ZHX2: variants seen among roughly 807,000 people sequenced by gnomAD.
ZHX2 encodes the protein zinc fingers and homeoboxes 2, also known as zinc fingers and homeoboxes protein 2.
ZHX2 carries 6 observed loss-of-function variants against 21.9 expected under a neutral mutation model. The observed-to-expected ratio is 0.27, with a 90% CI of 0.15 to 0.54. ZHX2 has a LOEUF of 0.54. Ranked by LOEUF, ZHX2 falls within the 20% of genes least tolerant of loss-of-function variation. The pLI is 0.95. For missense variants in ZHX2, 908 were observed against 1,090.7 expected (o/e 0.83, Z 2.36); for synonymous variants, 434 against 437.1 (o/e 0.99, Z 0.09).
At chr8:122,839,882 G>A (rs1285815393) in intron 1 of ZHX2, among the ~76,000 whole-genome samples, 1 of 152,186 alleles carries the variant, frequency 6.6e-6, no homozygotes, top group Non-Finnish European at 1.5e-5. Flanking sequence ...TGTGGAGAAG[G>A]TGGACATTGA....
At chr8:122,909,565 C>T (rs777801458) in intron 2 of ZHX2, among the ~76,000 whole-genome samples, 1 of 152,166 alleles carries the variant, frequency 6.6e-6, no homozygotes, top group Non-Finnish European at 1.5e-5. Flanking sequence ...CTCTTATTCA[C>T]TCGCCTTGGG....
chr8:122,950,060 C>CA (rs1813070685), intron 2 of ZHX2, among the ~76,000 whole-genome samples: 1 of 152,146 alleles, frequency 6.6e-6, no homozygotes, highest in Non-Finnish European at 1.5e-5. Flanking sequence ...CAAGCCCTCT[C>CA]ATACACTACC....
chr8:122,818,901 G>A (rs1210107946), intron 1 of ZHX2, among the ~76,000 whole-genome samples: 3 of 152,156 alleles, frequency 2.0e-5, no homozygotes, highest in Non-Finnish European at 4.4e-5. Flanking sequence ...GGTATGCAGA[G>A]GCCATGGAGC....
rs1466251657 is a variant in ZHX2, at chr8:122,793,583, G to T, written c.-283+11637G>T. 2.0e-5 allele frequency among the ~76,000 whole-genome samples: 3 copies of T among 152,232 alleles called. No individual in the cohort carries two copies. The East Asian group carries it at 5.8e-4, about 29-fold the overall frequency. ...GCCTTTTTTGTAACCAGCTTTGTCT[G>T]CTGGTCTTCAAGGGTTCAGTTCAGG... On this transcript the variant is annotated intron_variant, in intron 1 of 3. Transcript: ENST00000314393.
At chr8:122,944,472 C>T (rs1205945883) in intron 2 of ZHX2, among the ~76,000 whole-genome samples, 1 of 152,140 alleles carries the variant, frequency 6.6e-6, no homozygotes, top group Non-Finnish European at 1.5e-5. Flanking sequence ...GTTTCGTAAA[C>T]TCTTTCTCCT....
At chr8:122,833,512 C>G (rs561528519) in intron 1 of ZHX2, among the ~76,000 whole-genome samples, 1 of 152,016 alleles carries the variant, frequency 6.6e-6, no homozygotes, top group Non-Finnish European at 1.5e-5. Flanking sequence ...GAGTTAACTA[C>G]GGGCGGCGGA....
chr8:122,786,517 G>A lies in ZHX2; in HGVS notation c.-283+4571G>A, dbSNP rs113876091. Among the ~76,000 whole-genome samples the A allele has an allele frequency of 6.3e-3, 957 of 152,254 alleles. 14 individuals carry two copies. Among genetic ancestry groups the A allele is most frequent in the African/African-American group, 0.022 (923 of 41,542 alleles). On this transcript the variant is annotated intron_variant, in intron 1 of 3. Coordinates refer to ENST00000314393, the MANE Select transcript of ZHX2 (RefSeq NM_014943.5). ...TAGTAGCTGCTGTATGAGTTGTTAG[G>A]AAACTTAAGAAAGTTGTAAAAAGGC...
At chr8:122,939,708 T>C (rs954616734) in intron 2 of ZHX2, among the ~76,000 whole-genome samples, 14 of 152,150 alleles carry the variant, frequency 9.2e-5, no homozygotes, top group Non-Finnish European at 2.9e-5. Context: ...GAAATTCATA[T>C]TGGAACAGTT....
At chr8:122,886,164 A>G (rs543161061) in intron 2 of ZHX2, among the ~76,000 whole-genome samples, 3 of 152,380 alleles carry the variant, frequency 2.0e-5, no homozygotes, top group South Asian at 2.1e-4. Context: ...GAAATGAGCT[A>G]TCAAGCCAAG....
intron 1 of ZHX2, among the ~76,000 whole-genome samples, chr8:122,785,983 A>C (rs1817387663): frequency 6.6e-6 from 1 of 152,226 alleles, no homozygotes. Flanking sequence ...TATTTGCAAT[A>C]AAACGAGTTC....
intron 1 of ZHX2, among the ~76,000 whole-genome samples, chr8:122,788,278 G>A (rs1263770093): frequency 6.6e-6 from 1 of 152,186 alleles, no homozygotes; most frequent in Admixed American, 6.5e-5. Flanking sequence ...GGAAAAATGG[G>A]CTAGCTTGAT....
At chr8:122,962,578 A>G (rs983178831) in intron 3 of ZHX2, among the ~76,000 whole-genome samples, 1 of 152,170 alleles carries the variant, frequency 6.6e-6, no homozygotes, top group Admixed American at 6.5e-5. Context: ...TTTTGCTGCT[A>G]TAAACATGCG....
rs1047169991 is a variant in ZHX2, at chr8:122,951,909, T to G, written c.399T>G (p.His133Gln). The G allele has an allele frequency of 6.2e-7, 1 of 1,613,890 alleles. No individual in the cohort carries two copies. The highest frequency in any genetic ancestry group is 8.5e-7 in the Non-Finnish European group (1 of 1,180,004). The stretch of plus-strand genomic sequence containing the variant: ...TATCCGACCACAACTCCAAGTTCCA[T>G]CCCGGGGAGGCCAACTTCAAGCTGA... ...DSLSDHNSKFHPGEANFKLKL... is the reference protein window; with the variant it reads ...DSLSDHNSKFQPGEANFKLKL... Residue 133 changes from histidine to glutamine, a missense_variant, in exon 3 of 4, where the codon CAT becomes CAG. By Grantham distance (24) the His-to-Gln change is conservative. Around this residue, in one of 4 missense-constraint regions of ZHX2, gnomAD observed 220 missense variants for 251.4 expected, o/e 0.88. Coordinates refer to ENST00000314393, the MANE Select transcript of ZHX2 (RefSeq NM_014943.5).
At chr8:122,912,238 G>T (rs1457460372) in intron 2 of ZHX2, among the ~76,000 whole-genome samples, 1 of 152,216 alleles carries the variant, frequency 6.6e-6, no homozygotes, top group Non-Finnish European at 1.5e-5. Context: ...CAACCCTGAA[G>T]GGCAGTGGCA....
chr8:122,849,453 G>A (rs1486413279), intron 1 of ZHX2, among the ~76,000 whole-genome samples: 6 of 152,184 alleles, frequency 3.9e-5, no homozygotes. Flanking sequence ...AGTTCTGGAG[G>A]CTGAGAGTCT....
At chr8:122,855,744 TATTTAAAAC>T (rs1819009843) in intron 1 of ZHX2, among the ~76,000 whole-genome samples, 1 of 152,178 alleles carries the variant, frequency 6.6e-6, no homozygotes, top group South Asian at 2.1e-4. Context: ...AGGCAAGTAA[TATTTAAAAC>T]ATTTAATAAA....
chr8:122,954,566 C>T (rs1215936943), intron 3 of ZHX2, among the ~76,000 whole-genome samples: 2 of 152,194 alleles, frequency 1.3e-5, no homozygotes, highest in African/African-American at 4.8e-5. Context: ...GCATCTGCCT[C>T]CCAAAGTGCT....
At chr8:122,966,219 T>G (rs1307504524) in intron 3 of ZHX2, among the ~76,000 whole-genome samples, 1 of 152,212 alleles carries the variant, frequency 6.6e-6, no homozygotes, top group Non-Finnish European at 1.5e-5. Flanking sequence ...CCTTGGTTTT[T>G]TTTTCACTGT....
intron 1 of ZHX2, among the ~76,000 whole-genome samples, chr8:122,838,737 C>A (rs1424573269): frequency 6.6e-6 from 1 of 151,896 alleles, no homozygotes; most frequent in East Asian, 1.9e-4. Context: ...GCCACTACAC[C>A]CAGCTAATTT....
Sources: gnomAD v4.1 joint callset for allele counts (sites outside exome capture counted in the v4.1 genomes callset) on GRCh38, gnomAD v4.1.1 for gene constraint, gnomAD v4.1.1 regional missense constraint, MANE v1.5 for transcripts, NCBI Gene and HGNC (gene_info 2026-07-23, HGNC 2026-07-21) for gene names.